Variants in MYO1H observed in about 807,000 individuals in gnomAD.
The protein encoded by MYO1H is unconventional myosin-Ih.
A neutral mutation model predicts 149.3 loss-of-function variants in MYO1H; 118 were observed. The observed-to-expected ratio is 0.79, with a 90% CI of 0.68 to 0.92. The LOEUF (loss-of-function observed/expected upper bound fraction) is 0.92. Among genes scored for constraint, MYO1H ranks in the 40% least tolerant of loss-of-function variants. The pLI, the probability that MYO1H is intolerant of heterozygous loss-of-function variation, is 0.00. For missense variants in MYO1H, 1,212 were observed against 1,280.7 expected, an observed-to-expected ratio of 0.95 and a Z score of 0.82; for synonymous variants, 447 against 465.2, an observed-to-expected ratio of 0.96 and a Z score of 0.50.
intron 8 of MYO1H, 82 bp from the exon 9 acceptor site, chr12:109,406,707 C>G (rs116368243): frequency 0.034 from 44,820 of 1,312,996 alleles, 869 homozygotes; most frequent in Middle Eastern, 0.056. Context: ...GGTAACAGAG[C>G]CATACCTTGT....
At chr12:109,326,923 A>G in the MYO1H span, among the ~76,000 whole-genome samples, 4 of 152,102 alleles carry the variant, frequency 2.6e-5, no homozygotes, top group East Asian at 7.8e-4. Flanking sequence ...CCAAACTTAT[A>G]AACTTTCCCC....
exon 32 of MYO1H, chr12:109,447,162 T>A (rs1044546626): frequency 2.5e-6 from 4 of 1,599,044 alleles, no homozygotes; most frequent in Non-Finnish European, 2.6e-6. Context: ...CTCCCAGGTG[T>A]CAGTCCGGAG....
At chr12:109,444,076 A>T in intron 28 of MYO1H, 137 bp from the exon 29 acceptor site, 2 of 707,826 alleles carry the variant, frequency 2.8e-6, no homozygotes, top group Non-Finnish European at 5.0e-6. Context: ...AGATTTCTAA[A>T]GTATGCCCTT....
chr12:109,330,284 A>G, the MYO1H span, among the ~76,000 whole-genome samples: 1 of 152,148 alleles, frequency 6.6e-6, no homozygotes, highest in African/African-American at 2.4e-5. Flanking sequence ...ATGTACACAC[A>G]CACATACATA....
chr12:109,312,290 G>A, the MYO1H span, among the ~76,000 whole-genome samples: 2 of 152,134 alleles, frequency 1.3e-5, no homozygotes, highest in African/African-American at 4.8e-5. Flanking sequence ...TCGGCTGACT[G>A]CAAGCACCAC....
In MYO1H at chr12:109,405,804, T is replaced by C. The variant is rs567502401; in HGVS notation, c.850-118T>C. 7.0e-6 allele frequency: 5 copies of C among 715,714 alleles called. No individual in the cohort carries two copies. The African/African-American group carries it at 7.1e-5, about 10-fold the overall frequency. 44.3% of individuals were successfully genotyped at this position (715,714 alleles called of 1,614,324 possible). On this transcript the variant is annotated intron_variant, in intron 7 of 31. Transcript: ENST00000310903. The stretch of plus-strand genomic sequence containing the variant: ...TGGTTCTGTGGGCTCAGGTGTGGAA[T>C]TGGGACGGGGGCATTTTTCCTTCAG...
chr12:109,428,527 A>T (rs542792511), intron 19 of MYO1H, among the ~76,000 whole-genome samples: 6 of 152,296 alleles, frequency 3.9e-5, no homozygotes, highest in African/African-American at 1.4e-4. Context: ...TTCTTCAATG[A>T]TGGGCTGTGT....
chr12:109,362,912 T>C (rs942118029), intron 1 of MYO1H, among the ~76,000 whole-genome samples: 2 of 152,244 alleles, frequency 1.3e-5, no homozygotes, highest in Non-Finnish European at 2.9e-5. Context: ...AGAAACAACC[T>C]AAATTATGCC....
At chr12:109,372,826 T>C (rs919544224) in intron 1 of MYO1H, among the ~76,000 whole-genome samples, 1 of 152,030 alleles carries the variant, frequency 6.6e-6, no homozygotes, top group Non-Finnish European at 1.5e-5. Flanking sequence ...AATGGGACTT[T>C]ATTTTATAGT....
At chr12:109,392,611 A>G (rs961958971) in intron 2 of MYO1H, among the ~76,000 whole-genome samples, 2 of 151,630 alleles carry the variant, frequency 1.3e-5, no homozygotes, top group African/African-American at 4.8e-5. Context: ...AATCCCAGCT[A>G]TGGGAGGCTG....
chr12:109,418,453 G>A (rs1056871050), intron 15 of MYO1H, among the ~76,000 whole-genome samples: 1 of 151,072 alleles, frequency 6.6e-6, no homozygotes, highest in Non-Finnish European at 1.5e-5. Context: ...GGGTTCAAGC[G>A]ATTCTCCTGC....
At chr12:109,354,778 A>G (rs1051524104) in intron 1 of MYO1H, among the ~76,000 whole-genome samples, 5 of 152,142 alleles carry the variant, frequency 3.3e-5, no homozygotes, top group African/African-American at 1.2e-4. Flanking sequence ...TTTGCTTTTT[A>G]TTTAAAAATT....
At chr12:109,401,708 C>G (rs1870166222) in intron 6 of MYO1H, among the ~76,000 whole-genome samples, 1 of 152,048 alleles carries the variant, frequency 6.6e-6, no homozygotes, top group East Asian at 1.9e-4. Flanking sequence ...TGCCCCAAAC[C>G]TATGCTATCT....
chr12:109,315,274 G>A, the MYO1H span, among the ~76,000 whole-genome samples: 3 of 152,098 alleles, frequency 2.0e-5, no homozygotes, highest in Non-Finnish European at 2.9e-5. Flanking sequence ...TGGCCACTTT[G>A]TGTATCTCTT....
At chr12:109,337,438 A>T in the MYO1H span, among the ~76,000 whole-genome samples, 1 of 152,208 alleles carries the variant, frequency 6.6e-6, no homozygotes, top group African/African-American at 2.4e-5. Flanking sequence ...GGTAATTTAT[A>T]AAGAAAAGAG....
chr12:109,322,073 T>G, the MYO1H span, among the ~76,000 whole-genome samples: 1 of 152,142 alleles, frequency 6.6e-6, no homozygotes, highest in African/African-American at 2.4e-5. Flanking sequence ...GTTAGGCAAG[T>G]GGATCAAGCA....
chr12:109,406,055 G>C lies in MYO1H; in HGVS notation c.963+20G>C. Reference sequence around the variant, plus strand: ...GCCAAGGTGATGCTCCTCTTTTGGAGAGGACAGAAGGAGGGGGATGGGTGG... The same window carrying C: ...GCCAAGGTGATGCTCCTCTTTTGGACAGGACAGAAGGAGGGGGATGGGTGG... On this transcript the variant is annotated intron_variant, in intron 8 of 31. Transcript: ENST00000310903. 1.3e-6 allele frequency: 2 copies of C among 1,556,944 alleles called. No individual in the cohort carries two copies. Among genetic ancestry groups the C allele is most frequent in the Non-Finnish European group, 1.8e-6 (2 of 1,128,766 alleles).
chr12:109,410,037 A>G, exon 12 of MYO1H: 1 of 1,538,552 alleles, frequency 6.5e-7, no homozygotes, highest in South Asian at 1.2e-5. Flanking sequence ...CTAAAAGCAG[A>G]ACAGGCAGAA....
chr12:109,360,158 A>G (rs1374021213), intron 1 of MYO1H, among the ~76,000 whole-genome samples: 2 of 150,666 alleles, frequency 1.3e-5, no homozygotes, highest in South Asian at 4.2e-4. Context: ...GATAAATATG[A>G]GACTGCAGGG....
Sources: allele counts gnomAD v4.1 joint callset (sites outside exome capture counted in the v4.1 genomes callset), GRCh38; gene constraint gnomAD v4.1.1; transcripts MANE v1.5; gene names NCBI Gene and HGNC (gene_info 2026-07-23, HGNC 2026-07-21).